Variants in RASGRP3 observed in about 807,000 individuals in gnomAD.
RASGRP3 encodes the protein RAS guanyl releasing protein 3, also known as ras guanyl-releasing protein 3.
RASGRP3 carries 54 observed loss-of-function variants against 82.7 expected under a neutral mutation model. The observed-to-expected ratio is 0.65, with a 90% CI of 0.52 to 0.82. The LOEUF is 0.82. RASGRP3 is among the 40% of genes least tolerant of loss of function. RASGRP3 has a pLI of 0.00. For synonymous variants in RASGRP3, 309 were observed against 300.5 expected (o/e 1.03, Z -0.29); for missense variants, 861 against 828.9 (o/e 1.04, Z -0.48).
At chr2:33,536,897 A>C (rs1344853836) in intron 11 of RASGRP3, among the ~76,000 whole-genome samples, 3 of 152,154 alleles carry the variant, frequency 2.0e-5, no homozygotes, top group Non-Finnish European at 2.9e-5. Flanking sequence ...GCCCCAAGAC[A>C]GCATCTAGGG....
intron 16 of RASGRP3, 123 bp downstream of exon 16, chr2:33,558,459 G>C: frequency 2.1e-6 from 3 of 1,442,538 alleles, no homozygotes; most frequent in Non-Finnish European, 2.8e-6. Flanking sequence ...CCTTCTTTAG[G>C]GTGAGCAGCA....
intron 3 of RASGRP3, among the ~76,000 whole-genome samples, chr2:33,515,788 C>T (rs3845781): frequency 0.12 from 18,727 of 151,932 alleles, 1,585 homozygotes; most frequent in Admixed American, 0.17. Flanking sequence ...TTGGGTTATC[C>T]GTTGCACAAA....
intron 13 of RASGRP3, 108 bp downstream of exon 13, chr2:33,543,735 G>A: frequency 5.3e-6 from 4 of 748,422 alleles, no homozygotes; most frequent in South Asian, 3.8e-5. Context: ...CTTCAACCCT[G>A]GTGCTTTGAT....
chr2:33,439,975 C>A (rs1021376563), intron 1 of RASGRP3, among the ~76,000 whole-genome samples: 1 of 152,154 alleles, frequency 6.6e-6, no homozygotes, highest in East Asian at 1.9e-4. Flanking sequence ...TGAGAACAAA[C>A]TGACGCGTTT....
intron 13 of RASGRP3, among the ~76,000 whole-genome samples, chr2:33,548,502 A>ACTC (rs1558516016): frequency 6.6e-6 from 1 of 152,036 alleles, no homozygotes; most frequent in East Asian, 1.9e-4. Flanking sequence ...GAAGAGACTG[A>ACTC]GCATAACCTG....
At chr2:33,516,678 C>G (rs775757430) in intron 4 of RASGRP3, 34 bp downstream of exon 4, 3 of 1,371,116 alleles carry the variant, frequency 2.2e-6, no homozygotes, top group Non-Finnish European at 3.1e-6. Flanking sequence ...TTTTTACAAT[C>G]ATAAATCAAG....
intron 1 of RASGRP3, among the ~76,000 whole-genome samples, chr2:33,477,937 G>A (rs954862052): frequency 6.6e-6 from 1 of 152,128 alleles, no homozygotes; most frequent in Non-Finnish European, 1.5e-5. Flanking sequence ...CCTGGAGTGC[G>A]CTTGTTTCCT....
At chr2:33,527,916 C>A (rs983267187) in intron 10 of RASGRP3, among the ~76,000 whole-genome samples, 1 of 152,184 alleles carries the variant, frequency 6.6e-6, no homozygotes. Flanking sequence ...AGTCTCCAAC[C>A]TTCTTTGCCA....
chr2:33,452,434 C>A (rs1350249768), intron 2 of RASGRP3, among the ~76,000 whole-genome samples: 1 of 152,234 alleles, frequency 6.6e-6, no homozygotes, highest in Non-Finnish European at 1.5e-5. Flanking sequence ...GGCAGACTTG[C>A]TCCTGTATTC....
chr2:33,537,326 C>CCCCCA, intron 11 of RASGRP3, among the ~76,000 whole-genome samples: 1 of 58,848 alleles, frequency 1.7e-5, no homozygotes, highest in Middle Eastern at 5.6e-3. Context: ...ACACACCGCC[C>CCCCCA]CCCCCACACA....
At chr2:33,439,806 G>T (rs1420445229) in intron 1 of RASGRP3, among the ~76,000 whole-genome samples, 1 of 152,082 alleles carries the variant, frequency 6.6e-6, no homozygotes, top group East Asian at 1.9e-4. Context: ...AAGGAGTCAA[G>T]AATTTAAAGA....
rs542910159 is a variant in RASGRP3, at chr2:33,462,455, G to A, written c.-261+14512G>A. On this transcript the variant is annotated intron_variant, in intron 2 of 18. Transcript: ENST00000402538. ...AGTACAGTGGTGCGATCGGCACACT[G>A]CAACCTACACCTCCCGGGTTCAAGA... Among the ~76,000 whole-genome samples the A allele has an allele frequency of 6.0e-5, 9 of 150,288 alleles. No individual in the cohort carries two copies. In the East Asian group the frequency reaches 1.4e-3, roughly 23 times the overall value.
intron 10 of RASGRP3, among the ~76,000 whole-genome samples, chr2:33,531,201 G>A (rs1673078391): frequency 6.6e-6 from 1 of 152,226 alleles, no homozygotes; most frequent in African/African-American, 2.4e-5. Flanking sequence ...CAACTTTGCT[G>A]AAAGGATAGG....
At chr2:33,488,375 A>G (rs1369079764) in intron 1 of RASGRP3, among the ~76,000 whole-genome samples, 1 of 152,196 alleles carries the variant, frequency 6.6e-6, no homozygotes, top group African/African-American at 2.4e-5. Context: ...CTTACCTCTA[A>G]CAACTCTGAA....
At chr2:33,453,013 C>A (rs1665877379) in intron 2 of RASGRP3, among the ~76,000 whole-genome samples, 1 of 152,174 alleles carries the variant, frequency 6.6e-6, no homozygotes, top group South Asian at 2.1e-4. Context: ...CACTCTCCTT[C>A]CCCCACAGGG....
At chr2:33,515,601 A>G (rs1671385503) in intron 3 of RASGRP3, among the ~76,000 whole-genome samples, 2 of 152,202 alleles carry the variant, frequency 1.3e-5, no homozygotes, top group African/African-American at 4.8e-5. Context: ...CTTATAGCAC[A>G]TGGCATATGC....
chr2:33,527,774 C>T (rs1307710392), intron 10 of RASGRP3, among the ~76,000 whole-genome samples: 1 of 152,166 alleles, frequency 6.6e-6, no homozygotes, highest in African/African-American at 2.4e-5. Flanking sequence ...CCTCTTTATC[C>T]TCACTGCACT....
intron 11 of RASGRP3, among the ~76,000 whole-genome samples, chr2:33,538,185 G>A (rs866184384): frequency 3.9e-5 from 6 of 152,100 alleles, no homozygotes; most frequent in African/African-American, 7.2e-5. Flanking sequence ...GACTGGGAGC[G>A]CATTGCTTTT....
chr2:33,437,427 G>C (rs1230477162), intron 1 of RASGRP3, among the ~76,000 whole-genome samples: 1 of 152,218 alleles, frequency 6.6e-6, no homozygotes, highest in Non-Finnish European at 1.5e-5. Flanking sequence ...TGCATCCGCT[G>C]CTGATAATAA....
Sources: gnomAD v4.1 joint callset for allele counts (sites outside exome capture counted in the v4.1 genomes callset) on GRCh38, gnomAD v4.1.1 for gene constraint, MANE v1.5 for transcripts, NCBI Gene and HGNC (gene_info 2026-07-23, HGNC 2026-07-21) for gene names.